TMEM135: variants seen among roughly 807,000 people sequenced by gnomAD.
TMEM135 encodes peroxisomal membrane protein 52.
TMEM135 carries 30 observed loss-of-function variants against 60.3 expected under a neutral mutation model. The observed-to-expected ratio is 0.50, with a 90% confidence interval of 0.37 to 0.68. The LOEUF (loss-of-function observed/expected upper bound fraction) is 0.68, where lower values mean the gene tolerates loss of function less well. Ranked by LOEUF, TMEM135 falls within the 30% of genes least tolerant of loss-of-function variation. The pLI, the probability that TMEM135 is intolerant of heterozygous loss-of-function variation, is 0.00. For missense variants in TMEM135, 468 were observed against 548.8 expected (o/e 0.85, Z 1.47); for synonymous variants, 190 against 186.7 (o/e 1.02, Z -0.14).
intron 4 of TMEM135, chr11:87,095,178 G>C: frequency 5.6e-6 from 1 of 180,018 alleles, no homozygotes; most frequent in South Asian, 1.3e-4. Flanking sequence ...GCTTCATAAT[G>C]CTCCATGGAT....
intron 1 of TMEM135, among the ~76,000 whole-genome samples, chr11:87,044,121 G>C (rs1422023873): frequency 6.6e-6 from 1 of 152,040 alleles, no homozygotes; most frequent in Non-Finnish European, 1.5e-5. Flanking sequence ...TACTCCCTTT[G>C]AACCATGTAA....
chr11:87,125,963 C>A (rs988993279), intron 4 of TMEM135, among the ~76,000 whole-genome samples: 1 of 152,176 alleles, frequency 6.6e-6, no homozygotes, highest in Non-Finnish European at 1.5e-5. Flanking sequence ...ATTTCGTACT[C>A]ATTACCTGGA....
chr11:87,324,878 A>G lies in TMEM135; in HGVS notation c.*3545A>G. 1 of 454,066 alleles carries G rather than the reference A, an allele frequency of 2.2e-6. No individual in the cohort carries two copies. The highest frequency in any genetic ancestry group is 4.4e-6 in the Non-Finnish European group (1 of 226,768). 28.1% of individuals were successfully genotyped at this position (454,066 alleles called of 1,614,324 possible). Reference sequence around the variant, plus strand: ...CTCCTTCTAGTAATCATTTTCACATAGTAGAATACTTCACTCAGCTGAAAA... The same window carrying G: ...CTCCTTCTAGTAATCATTTTCACATGGTAGAATACTTCACTCAGCTGAAAA... On this transcript the variant is annotated 3_prime_UTR_variant, in exon 15 of 15. Transcript: ENST00000305494.
At chr11:87,074,756 C>T (rs1318241604) in intron 3 of TMEM135, among the ~76,000 whole-genome samples, 2 of 152,186 alleles carry the variant, frequency 1.3e-5, no homozygotes, top group African/African-American at 4.8e-5. Flanking sequence ...CAGCACGTAT[C>T]TCTTAAAAAT....
At chr11:87,250,576 T>C in intron 6 of TMEM135, among the ~76,000 whole-genome samples, 1 of 152,138 alleles carries the variant, frequency 6.6e-6, no homozygotes, top group Admixed American at 6.5e-5. Context: ...ATGTGTAGTT[T>C]CCAAAGTTTC....
chr11:87,222,696 C>T (rs889899285), intron 5 of TMEM135, among the ~76,000 whole-genome samples: 26 of 151,128 alleles, frequency 1.7e-4, no homozygotes, highest in Non-Finnish European at 2.7e-4. Context: ...CCCAGCTACT[C>T]GGGAGGCTGA....
intron 5 of TMEM135, among the ~76,000 whole-genome samples, chr11:87,196,798 A>G (rs1939969216): frequency 6.6e-6 from 1 of 152,138 alleles, no homozygotes; most frequent in East Asian, 1.9e-4. Context: ...ATAATCTTCC[A>G]AGTGGGATAA....
intron 4 of TMEM135, among the ~76,000 whole-genome samples, chr11:87,131,406 G>T (rs1018793562): frequency 8.7e-6 from 1 of 115,586 alleles, no homozygotes; most frequent in Non-Finnish European, 1.8e-5. Context: ...AGAATTGTTT[G>T]TTGGTGTATC....
intron 7 of TMEM135, among the ~76,000 whole-genome samples, chr11:87,301,648 G>A (rs1357680388): frequency 1.3e-5 from 2 of 152,122 alleles, no homozygotes; most frequent in Non-Finnish European, 2.9e-5. Flanking sequence ...CCTTGGGAAA[G>A]CTTAGTTATT....
intron 6 of TMEM135, among the ~76,000 whole-genome samples, chr11:87,266,289 C>G (rs1331338438): frequency 6.6e-6 from 1 of 152,084 alleles, no homozygotes; most frequent in African/African-American, 2.4e-5. Flanking sequence ...TATTTTATTT[C>G]CACAAGAGAA....
At chr11:87,241,466 G>T (rs969120504) in intron 6 of TMEM135, among the ~76,000 whole-genome samples, 1 of 152,004 alleles carries the variant, frequency 6.6e-6, no homozygotes, top group Non-Finnish European at 1.5e-5. Flanking sequence ...CAGGATAAAT[G>T]ATTCATTGCC....
chr11:87,212,564 A>G (rs529286158), intron 5 of TMEM135, among the ~76,000 whole-genome samples: 3 of 152,220 alleles, frequency 2.0e-5, no homozygotes, highest in Non-Finnish European at 2.9e-5. Flanking sequence ...GCTCATGCCT[A>G]TAATTCCAGC....
At chr11:87,079,444 A>G (rs566684495) in intron 3 of TMEM135, among the ~76,000 whole-genome samples, 1 of 152,340 alleles carries the variant, frequency 6.6e-6, no homozygotes, top group East Asian at 1.9e-4. Flanking sequence ...AATATGACAT[A>G]TAAATATAGT....
At chr11:87,283,815 G>A (rs1048848795) in intron 6 of TMEM135, among the ~76,000 whole-genome samples, 25 of 152,128 alleles carry the variant, frequency 1.6e-4, no homozygotes, top group Admixed American at 5.2e-4. Context: ...CCGAGATCGC[G>A]TCATTGCACT....
chr11:87,299,612 C>T (rs574232293), intron 7 of TMEM135, among the ~76,000 whole-genome samples: 63 of 152,266 alleles, frequency 4.1e-4, no homozygotes, highest in African/African-American at 1.4e-3. Flanking sequence ...ATTTATTCTG[C>T]CCCAGGTCTT....
intron 5 of TMEM135, among the ~76,000 whole-genome samples, chr11:87,186,569 C>G (rs914544273): frequency 6.6e-6 from 1 of 152,108 alleles, no homozygotes; most frequent in Non-Finnish European, 1.5e-5. Context: ...CTTGAGAAAT[C>G]TGTTACTTAC....
intron 6 of TMEM135, among the ~76,000 whole-genome samples, chr11:87,283,606 T>A (rs941007157): frequency 2.6e-5 from 4 of 152,132 alleles, no homozygotes; most frequent in African/African-American, 9.7e-5. Context: ...CGCCTTGTAA[T>A]GCCAGCACTT....
intron 5 of TMEM135, among the ~76,000 whole-genome samples, chr11:87,206,699 A>C (rs922334551): frequency 6.6e-6 from 1 of 152,224 alleles, no homozygotes; most frequent in African/African-American, 2.4e-5. Flanking sequence ...AGTCTACACA[A>C]GTTTAATATT....
chr11:87,058,111 A>C (rs1359466470), intron 1 of TMEM135, among the ~76,000 whole-genome samples: 1 of 152,152 alleles, frequency 6.6e-6, no homozygotes. Flanking sequence ...CAGGTCTTCA[A>C]CTGAGAGGAT....
Sources: allele counts gnomAD v4.1 joint callset (sites outside exome capture counted in the v4.1 genomes callset), GRCh38; gene constraint gnomAD v4.1.1; transcripts MANE v1.5; gene names NCBI Gene and HGNC (gene_info 2026-07-23, HGNC 2026-07-21).